C11orf16: variants seen among roughly 807,000 people sequenced by gnomAD.
The protein encoded by C11orf16 is uncharacterized protein C11orf16.
A neutral mutation model predicts 45.1 loss-of-function variants in C11orf16; 38 were observed. The ratio of observed to expected loss-of-function variants is 0.84; its 90% CI spans 0.65 to 1.10. The LOEUF is 1.10. Ranked by LOEUF, C11orf16 falls within the 50% of genes least tolerant of loss-of-function variation. The pLI is 0.00. For synonymous variants in C11orf16, 221 were observed against 222.0 expected (o/e 1.00, Z 0.04); for missense variants, 583 against 569.5 (o/e 1.02, Z -0.24).
chr11:8,930,118 C>CA (rs919857055), intron 2 of C11orf16, among the ~76,000 whole-genome samples: 10 of 148,572 alleles, frequency 6.7e-5, no homozygotes, highest in Admixed American at 4.7e-4. Flanking sequence ...AGACCCCTAT[C>CA]AAAAAAAAGA....
chr11:8,926,649 G>A (rs1197499051), intron 4 of C11orf16, among the ~76,000 whole-genome samples: 1 of 152,262 alleles, frequency 6.6e-6, no homozygotes, highest in African/African-American at 2.4e-5. Context: ...AGGACCTGGT[G>A]AGGGCTGGGT....
rs534060664 is a variant in C11orf16, at chr11:8,920,322, G to A, written c.*151C>T. The A allele has an allele frequency of 2.5e-4, 132 of 529,442 alleles. No individual in the cohort carries two copies. The highest frequency in any genetic ancestry group is 1.9e-3 in the African/African-American group (94 of 50,702). 32.8% of individuals were successfully genotyped at this position (529,442 alleles called of 1,614,324 possible). A position where few individuals can be genotyped will look rare whatever the true frequency, so the allele number is the denominator to read the frequency against. On this transcript the variant is annotated 3_prime_UTR_variant, in exon 7 of 7. Coordinates refer to ENST00000326053, the MANE Select transcript of C11orf16 (RefSeq NM_020643.3). ...GCTGCTTATCTGCAGGGAGGTCTTC[G>A]TGGGGTGGAGATACTGGTGGTTATT... is the stretch of plus-strand genomic sequence containing the variant.
At chr11:8,921,536 C>T (rs1429400807) in intron 5 of C11orf16, 21 bp from the exon 6 acceptor site, 3 of 1,610,324 alleles carry the variant, frequency 1.9e-6, no homozygotes, top group African/African-American at 2.7e-5. Context: ...AAGTCAATTA[C>T]TTAGGTTGAA....
At position 8,926,054 on chromosome 11, in the gene C11orf16, C is replaced by A; in HGVS notation, c.613G>T (p.Val205Leu). ...ACCGACTGGACCCCACCTAGGGGCA[C>A]TTTAGCAGCTTTGCCATTCCAGAAA... ...VHFWNGKAAKVPLGGVQSVSL... is the reference protein window; with the variant it reads ...VHFWNGKAAKLPLGGVQSVSL... The change falls in exon 5 of 7, where the codon GTG becomes TTG. Residue 205 changes from valine (V) to leucine (L), a missense_variant. Physicochemically the swap from Val to Leu is conservative, Grantham distance 32. Coordinates refer to ENST00000326053, the MANE Select transcript of C11orf16 (RefSeq NM_020643.3). 3.7e-6 allele frequency: 6 copies of A among 1,613,374 alleles called. No individual in the cohort carries two copies. The highest frequency in any genetic ancestry group is 5.1e-6 in the Non-Finnish European group (6 of 1,179,512).
chr11:8,930,021 GA>G (rs2064639774), intron 2 of C11orf16, among the ~76,000 whole-genome samples: 2 of 152,108 alleles, frequency 1.3e-5, no homozygotes, highest in South Asian at 4.1e-4. Flanking sequence ...TTGGGAGGCT[GA>G]GATAGGAGGA....
intron 5 of C11orf16, 40 bp downstream of exon 5, chr11:8,925,423 A>G: frequency 6.4e-7 from 1 of 1,574,474 alleles, no homozygotes. Flanking sequence ...GCGGGGCCCC[A>G]GCCCCTGCCT....
rs372259315 is a variant in C11orf16, at chr11:8,927,030, C to A, written c.469G>T (p.Asp157Tyr). ...GGCTCCCAGAGTGCCAGCACCTTAT[C>A]CCCTGGTCTCAGTGAGTATCCTACA... ...PSVGYSLRPG[D>Y]KVLALWEPGQ... is the part of the protein sequence containing the mutation. Residue 157 changes from aspartate to tyrosine, a missense_variant, in exon 4 of 7, where the codon GAT becomes TAT. By Grantham distance (160) the Asp-to-Tyr change is radical. Transcript: ENST00000326053. 2 of 1,613,982 alleles carry A rather than the reference C, an allele frequency of 1.2e-6. No homozygotes were observed. Among genetic ancestry groups the A allele is most frequent in the African/African-American group, 2.7e-5 (2 of 74,898 alleles).
intron 5 of C11orf16, among the ~76,000 whole-genome samples, chr11:8,924,840 A>G (rs1306322669): frequency 6.6e-6 from 1 of 152,130 alleles, no homozygotes; most frequent in African/African-American, 2.4e-5. Context: ...TTTAGATAGG[A>G]TGGGCTCCCC....
chr11:8,925,414 CG>C, intron 5 of C11orf16, 48 bp downstream of exon 5: 1 of 1,549,942 alleles, frequency 6.5e-7, no homozygotes, highest in Non-Finnish European at 8.7e-7. Context: ...GGAAGGGAGG[CG>C]GGGCCCCAGC....
intron 2 of C11orf16, among the ~76,000 whole-genome samples, chr11:8,931,822 G>T (rs988288791): frequency 1.3e-5 from 2 of 152,120 alleles, no homozygotes; most frequent in Admixed American, 1.3e-4. Context: ...GAGCCACTGC[G>T]CCCAGCCAAG....
chr11:8,925,891 G>A lies in C11orf16; in HGVS notation c.776C>T (p.Pro259Leu), dbSNP rs374690921. The A allele has an allele frequency of 3.7e-5, 59 of 1,614,094 alleles. No individual in the cohort carries two copies. The South Asian group carries it at 4.6e-4, about 13-fold the overall frequency. ...GAGAGGGCACAGGAATGGAGCATCCGGAGGAAGCTCATTAGTGATGCGCCC... is the reference window on the plus strand; with the variant it reads ...GAGAGGGCACAGGAATGGAGCATCCAGAGGAAGCTCATTAGTGATGCGCCC... ...ITGRITNELPPDAPFLCPLCH... is the reference protein window; with the variant it reads ...ITGRITNELPLDAPFLCPLCH... Residue 259 changes from proline to leucine, a missense_variant, in exon 5 of 7, where the codon CCG (proline) becomes CTG (leucine). Coordinates refer to ENST00000326053, the MANE Select transcript of C11orf16 (RefSeq NM_020643.3).
Position 8,921,474 on chromosome 11 carries a change from T to A in C11orf16, c.1246A>T (p.Lys416Ter), listed in dbSNP as rs148628961. 6.2e-7 allele frequency: 1 copy of A among 1,614,134 alleles called. No homozygotes were observed. The highest frequency in any genetic ancestry group is 8.5e-7 in the Non-Finnish European group (1 of 1,180,042). Residue 416 changes from lysine (K) to a stop codon, truncating the protein, a stop_gained, in exon 6 of 7, where the codon AAA (lysine) becomes TAA (stop). Coordinates refer to ENST00000326053, the MANE Select transcript of C11orf16 (RefSeq NM_020643.3). LOFTEE classifies it high-confidence loss of function. ...SNICKEEKDH[K>*]QQRAQTAVVG... Reference sequence around the variant, plus strand: ...ACTGCAGTTTGTGCTCTCTGCTGTTTGTGATCCTTTTCTTCTTTGCAGATG... The same window carrying A: ...ACTGCAGTTTGTGCTCTCTGCTGTTAGTGATCCTTTTCTTCTTTGCAGATG...
Position 8,922,692 on chromosome 11 carries a change from G to A in C11orf16, c.1205-1177C>T, listed in dbSNP as rs541889910. Among the ~76,000 whole-genome samples, 57 of 152,320 alleles carry A rather than the reference G, an allele frequency of 3.7e-4. 1 individual carries two copies. Among genetic ancestry groups the A allele is most frequent in the Admixed American group, 1.2e-3 (19 of 15,298 alleles). On this transcript the variant is annotated intron_variant, in intron 5 of 6. Coordinates refer to ENST00000326053, the MANE Select transcript of C11orf16 (RefSeq NM_020643.3). Reference sequence around the variant, plus strand: ...AATTGAGTGTCAAGCATCAGCACTCGACAGAACGGATATCAAGTCCTGATA... The same window carrying A: ...AATTGAGTGTCAAGCATCAGCACTCAACAGAACGGATATCAAGTCCTGATA...
chr11:8,932,024 C>A (rs2653585), intron 2 of C11orf16, 118 bp downstream of exon 2: 1,079,916 of 1,105,852 alleles, frequency 0.98, 531,126 homozygotes, highest in East Asian at 1. Flanking sequence ...CAAACAATGA[C>A]GACCCCTTTC....
At chr11:8,927,292 A>G in intron 3 of C11orf16, 118 bp from the exon 4 acceptor site, 2 of 723,548 alleles carry the variant, frequency 2.8e-6, no homozygotes, top group Non-Finnish European at 2.3e-6. Flanking sequence ...AAACAGTGAC[A>G]GGCACCTAAA....
At position 8,924,276 on chromosome 11, in the gene C11orf16, A is replaced by T. The variant is rs1236191795; in HGVS notation, c.1204+1187T>A. The stretch of plus-strand genomic sequence containing the variant: ...CTTGGTGGTTCACGCCTGTAATCCC[A>T]GCACTTTGGGAGGCCGAGGCAGGCA... On this transcript the variant is annotated intron_variant, in intron 5 of 6. Transcript: ENST00000326053. Among the ~76,000 whole-genome samples, 49 of 152,200 alleles carry T rather than the reference A, an allele frequency of 3.2e-4. 1 individual carries two copies. Among genetic ancestry groups the T allele is most frequent in the Non-Finnish European group, 2.9e-5 (2 of 68,034 alleles).
chr11:8,921,994 G>T (rs1484207148), intron 5 of C11orf16, among the ~76,000 whole-genome samples: 1 of 152,082 alleles, frequency 6.6e-6, no homozygotes, highest in Admixed American at 6.5e-5. Context: ...TATTTTTAGA[G>T]AAAAAAATTG....
Position 8,925,541 on chromosome 11 carries a change from G to C in C11orf16, c.1126C>G (p.Leu376Val). Reference protein sequence around the residue: ...NTDPIFLEMPLRQSGLCQPEW... With the variant: ...NTDPIFLEMPVRQSGLCQPEW... ...GGCTGGCAGAGGCCACTCTGTCTCA[G>C]AGGCATCTCAAGAAAGATGGGATCT... The change falls in exon 5 of 7, where the codon CTG (leucine) becomes GTG (valine). Residue 376 changes from leucine (L) to valine (V), a missense_variant. By Grantham distance (32) the Leu-to-Val change is conservative. Transcript: ENST00000326053. The C allele has an allele frequency of 1.4e-5, 23 of 1,614,248 alleles. No individual in the cohort carries two copies. Among genetic ancestry groups the C allele is most frequent in the Non-Finnish European group, 1.9e-5 (22 of 1,180,046 alleles).
chr11:8,926,155 CCTT>C lies in C11orf16; in HGVS notation c.560-51_560-49del, dbSNP rs1377768180. On this transcript the variant is annotated intron_variant, in intron 4 of 6. Transcript: ENST00000326053. ...ATTTTGTTATAATTACCAATTATCT[CCTT>C]TTTTTTCTTTTTTCTTTTTTTCTTT... 6 of 1,388,126 alleles carry C rather than the reference CCTT, an allele frequency of 4.3e-6. No homozygotes were observed. The African/African-American group carries it at 7.3e-5, about 17-fold the overall frequency. 86.0% of individuals were successfully genotyped at this position (1,388,126 alleles called of 1,614,324 possible).
Sources: gnomAD v4.1 joint callset for allele counts (sites outside exome capture counted in the v4.1 genomes callset) on GRCh38, gnomAD v4.1.1 for gene constraint, MANE v1.5 for transcripts, NCBI Gene and HGNC (gene_info 2026-07-23, HGNC 2026-07-21) for gene names.